STAG3: variants seen among roughly 807,000 people sequenced by gnomAD.
The protein encoded by STAG3 is STAG3 cohesin complex component.
In STAG3, 101 loss-of-function variants were observed where a neutral mutation model predicts 160.7. That is an observed-to-expected ratio of 0.63 (90% CI 0.54 to 0.74). The LOEUF is 0.74. Ranked by LOEUF, STAG3 falls within the 30% of genes least tolerant of loss-of-function variation. STAG3 has a pLI of 0.00. For missense variants in STAG3, 1,188 were observed against 1,517.4 expected, an observed-to-expected ratio of 0.78 and a Z score of 3.61; for synonymous variants, 519 against 585.0, an observed-to-expected ratio of 0.89 and a Z score of 1.63.
At chr7:100,191,333 A>G (rs902397826) in intron 8 of STAG3, among the ~76,000 whole-genome samples, 4 of 152,212 alleles carry the variant, frequency 2.6e-5, no homozygotes, top group East Asian at 1.9e-4. Context: ...TTCCACTTCT[A>G]TTAAACTGCA....
chr7:100,203,411 G>C (rs1801326406), intron 25 of STAG3, among the ~76,000 whole-genome samples: 1 of 152,008 alleles, frequency 6.6e-6, no homozygotes. Context: ...TTGATCTCCT[G>C]ACCTTGTGAT....
intron 5 of STAG3, among the ~76,000 whole-genome samples, chr7:100,186,870 CTT>C (rs1800036683): frequency 6.6e-6 from 1 of 152,104 alleles, no homozygotes; most frequent in Non-Finnish European, 1.5e-5. Flanking sequence ...TAATGTTACT[CTT>C]TGTTTCCCAG....
At chr7:100,198,274 G>A (rs1800824530) in intron 12 of STAG3, 108 bp downstream of exon 12, 1 of 1,232,892 alleles carries the variant, frequency 8.1e-7, no homozygotes, top group Non-Finnish European at 1.2e-6. Flanking sequence ...GTTGACTGAG[G>A]TCATTCCTGA....
At chr7:100,198,276 C>T (rs1800824863) in intron 12 of STAG3, 110 bp downstream of exon 12, 2 of 1,207,482 alleles carry the variant, frequency 1.7e-6, no homozygotes, top group Non-Finnish European at 2.5e-6. Context: ...TGACTGAGGT[C>T]ATTCCTGAGT....
Position 100,198,833 on chromosome 7 carries a change from A to G in STAG3, c.1353-10A>G, listed in dbSNP as rs759636396. The G allele has an allele frequency of 3.4e-5, 54 of 1,610,380 alleles. No individual in the cohort carries two copies. Among genetic ancestry groups the G allele is most frequent in the Non-Finnish European group, 4.2e-5 (50 of 1,178,602 alleles). On this transcript the variant is annotated splice_polypyrimidine_tract_variant and intron_variant, in intron 13 of 33. Coordinates refer to ENST00000615138, the MANE Select transcript of STAG3 (RefSeq NM_001282717.2). ...TGTGCTGAGCCCTTTCCTCGTGTCC[A>G]TTCCACCAGACTCTTCTACCCTGAG...
intron 8 of STAG3, among the ~76,000 whole-genome samples, chr7:100,191,817 G>A (rs150033071): frequency 6.6e-6 from 1 of 152,298 alleles, no homozygotes; most frequent in African/African-American, 2.4e-5. Context: ...GCTGTTTGAT[G>A]ACATTTTACC....
At position 100,200,795 on chromosome 7, in the gene STAG3, C is replaced by T; in HGVS notation, c.1887C>T (p.Leu629=). ...EKHLELFLQQ[L]QEVVVKHAEP... Reference sequence around the variant, plus strand: ...ACCTGGAGCTGTTCCTGCAGCAACTCCAGGAGGTGGTGGTGAAGCATGCAG... The same window carrying T: ...ACCTGGAGCTGTTCCTGCAGCAACTTCAGGAGGTGGTGGTGAAGCATGCAG... The change falls in exon 19 of 34, where the codon CTC becomes CTT. Residue 629 remains leucine, a synonymous_variant. Coordinates refer to ENST00000615138, the MANE Select transcript of STAG3 (RefSeq NM_001282717.2). 6.2e-7 allele frequency: 1 copy of T among 1,614,206 alleles called. No individual in the cohort carries two copies. The highest frequency in any genetic ancestry group is 8.5e-7 in the Non-Finnish European group (1 of 1,180,024).
rs1213383024 is a variant in STAG3 at position 100,204,687 on chromosome 7, A to T, written c.2863A>T (p.Ile955Phe). 4 of 1,614,004 alleles carry T rather than the reference A, an allele frequency of 2.5e-6. No individual in the cohort carries two copies. The African/African-American group carries it at 5.3e-5, about 22-fold the overall frequency. ...PQGLNELPAF[I>F]EMRDLARRFA... Reference sequence around the variant, plus strand: ...GGGCCTGAATGAGCTTCCTGCCTTCATCGAGATGAGGGACCTGGCCCGGAG... The same window carrying T: ...GGGCCTGAATGAGCTTCCTGCCTTCTTCGAGATGAGGGACCTGGCCCGGAG... Residue 955 changes from isoleucine to phenylalanine, a missense_variant, in exon 27 of 34, where the codon ATC becomes TTC. Transcript: ENST00000615138.
chr7:100,201,323 C>T lies in STAG3; in HGVS notation c.2192C>T (p.Ala731Val). ...YEPCCQLLQK[A>V]VDTGEVPHQV... ...CCATGTTGCCAACTCCTGCAGAAGG[C>T]TGTGGACACAGGAGAGGTTCCTCAC... Residue 731 changes from alanine (A) to valine (V), a missense_variant, in exon 21 of 34, where the codon GCT becomes GTT. Physicochemically the swap from Ala to Val is moderately conservative, Grantham distance 64. Transcript: ENST00000615138. 4.3e-6 allele frequency: 7 copies of T among 1,614,142 alleles called. No homozygotes were observed. Among genetic ancestry groups the T allele is most frequent in the Non-Finnish European group, 5.9e-6 (7 of 1,180,018 alleles).
intron 16 of STAG3, 44 bp from the exon 17 acceptor site, chr7:100,200,190 AGT>A: frequency 6.8e-7 from 1 of 1,462,032 alleles, no homozygotes; most frequent in Non-Finnish European, 9.4e-7. Context: ...CCCCTGCACC[AGT>A]GTTTCTTTAC....
intron 4 of STAG3, among the ~76,000 whole-genome samples, chr7:100,184,463 G>GGTGT (rs71126310): frequency 1.0e-5 from 1 of 98,552 alleles, no homozygotes; most frequent in Non-Finnish European, 1.9e-5. Flanking sequence ...CAGCGTGTTA[G>GGTGT]TTTTTTTTTT....
chr7:100,180,347 AC>A lies in STAG3; in HGVS notation c.-64-145del, dbSNP rs1259924618. The stretch of plus-strand genomic sequence containing the variant: ...AGTGCTGGGATTATAGGCATGAGCC[AC>A]GGTGCCCAGCCTTTGTCTTAGTTTT... On this transcript the variant is annotated intron_variant, in intron 1 of 33. Transcript: ENST00000615138. 9.2e-5 allele frequency: 45 copies of A among 489,660 alleles called. No individual in the cohort carries two copies. In the Admixed American group the frequency reaches 1.5e-3, roughly 17 times the overall value. The allele number at this position is 489,660 out of a possible 1,614,324, so 30.3% of individuals were successfully genotyped here. A position where few individuals can be genotyped will look rare whatever the true frequency, so the allele number is the denominator to read the frequency against.
chr7:100,204,161 T>G, intron 26 of STAG3, 39 bp downstream of exon 26: 1 of 1,524,418 alleles, frequency 6.6e-7, no homozygotes, highest in Non-Finnish European at 9.1e-7. Flanking sequence ...AGCCCTGTTG[T>G]CCCCAAGTCT....
chr7:100,180,507 C>T lies in STAG3; in HGVS notation c.-50C>T. Reference sequence around the variant, plus strand: ...TTCTTCCCCAGCTGGATCGCCATACCTACCCTGTGGTCCTCATCTTCCTGG... The same window carrying T: ...TTCTTCCCCAGCTGGATCGCCATACTTACCCTGTGGTCCTCATCTTCCTGG... On this transcript the variant is annotated 5_prime_UTR_variant, in exon 2 of 34. Transcript: ENST00000615138. The T allele has an allele frequency of 9.0e-7, 1 of 1,109,230 alleles. No individual in the cohort carries two copies. The allele number at this position is 1,109,230 out of a possible 1,614,324, so 68.7% of individuals were successfully genotyped here. A position where few individuals can be genotyped will look rare whatever the true frequency, so the allele number is the denominator to read the frequency against.
chr7:100,197,569 G>C, intron 10 of STAG3: 1 of 637,728 alleles, frequency 1.6e-6, no homozygotes, highest in Non-Finnish European at 2.8e-6. Flanking sequence ...GCAGCCAAAG[G>C]ATCCTTCTCA....
intron 32 of STAG3, chr7:100,213,283 T>G: frequency 9.8e-7 from 1 of 1,017,306 alleles, no homozygotes; most frequent in Non-Finnish European, 1.2e-6. Context: ...AATATGTGGG[T>G]TTAGGGGGAC....
At chr7:100,178,903 G>A (rs1372258367) in intron 1 of STAG3, among the ~76,000 whole-genome samples, 1 of 150,382 alleles carries the variant, frequency 6.6e-6, no homozygotes, top group Non-Finnish European at 1.5e-5. Flanking sequence ...GTCATAGCTC[G>A]CTGCAGCCTC....
chr7:100,189,191 G>A (rs1199216892), intron 7 of STAG3, among the ~76,000 whole-genome samples, 175 bp downstream of exon 7: 2 of 152,154 alleles, frequency 1.3e-5, no homozygotes, highest in African/African-American at 2.4e-5. Context: ...AGAAGGGGTA[G>A]ATCACAGCAA....
chr7:100,213,599 C>T (rs1165791805), intron 32 of STAG3, 136 bp from the exon 33 acceptor site: 2 of 1,499,758 alleles, frequency 1.3e-6, no homozygotes, highest in South Asian at 1.3e-5. Context: ...CACTGACTTC[C>T]CTCCCAGGAG....
Sources: allele counts gnomAD v4.1 joint callset (sites outside exome capture counted in the v4.1 genomes callset), GRCh38; gene constraint gnomAD v4.1.1; transcripts MANE v1.5; gene names NCBI Gene and HGNC (gene_info 2026-07-23, HGNC 2026-07-21).